BOC: variants seen among roughly 807,000 people sequenced by gnomAD.
The protein encoded by BOC is BOC cell adhesion associated, oncogene regulated, also known as brother of CDO.
BOC carries 76 observed loss-of-function variants against 112.0 expected under a neutral mutation model. The ratio of observed to expected loss-of-function variants is 0.68; its 90% confidence interval spans 0.56 to 0.82. The LOEUF (loss-of-function observed/expected upper bound fraction) is 0.82. Among genes scored for constraint, BOC ranks in the 40% least tolerant of loss-of-function variants. The pLI, the probability that BOC is intolerant of heterozygous loss-of-function variation, is 0.00. For missense variants in BOC, 1,309 were observed against 1,511.7 expected (o/e 0.87, Z 2.22); for synonymous variants, 580 against 599.8 (o/e 0.97, Z 0.48).
intron 2 of BOC, among the ~76,000 whole-genome samples, chr3:113,243,969 T>C (rs565131144): frequency 6.6e-6 from 1 of 152,324 alleles, no homozygotes; most frequent in East Asian, 1.9e-4. Context: ...ATTGCTTCGA[T>C]CTTATAGCTG....
intron 2 of BOC, among the ~76,000 whole-genome samples, chr3:113,217,484 G>A (rs1374383250): frequency 6.6e-6 from 1 of 151,978 alleles, no homozygotes; most frequent in East Asian, 1.9e-4. Flanking sequence ...CTGAGATGGT[G>A]CCACTGCACT....
At chr3:113,221,332 G>C (rs1352282247) in intron 2 of BOC, among the ~76,000 whole-genome samples, 1 of 152,204 alleles carries the variant, frequency 6.6e-6, no homozygotes, top group African/African-American at 2.4e-5. Context: ...GTCCTCACTG[G>C]CTCAGGGTTT....
Position 113,283,401 on chromosome 3 carries a change from A to G in BOC, c.2435-10A>G. 1 of 1,581,030 alleles carries G rather than the reference A, an allele frequency of 6.3e-7. No individual in the cohort carries two copies. Among genetic ancestry groups the G allele is most frequent in the Non-Finnish European group, 8.6e-7 (1 of 1,159,206 alleles). ...ACATATGCTGAAGTGAGTTTTGTCC[A>G]CAATTACAGCTCGGAAGTCTTCTGG... On this transcript the variant is annotated splice_polypyrimidine_tract_variant and intron_variant, in intron 15 of 19. Coordinates refer to ENST00000682979, the MANE Select transcript of BOC (RefSeq NM_001378074.1).
At chr3:113,234,154 G>A (rs1164905410) in intron 2 of BOC, among the ~76,000 whole-genome samples, 1 of 152,208 alleles carries the variant, frequency 6.6e-6, no homozygotes, top group African/African-American at 2.4e-5. Context: ...AGATGATAAA[G>A]CTGAAGCTTA....
At chr3:113,281,281 C>G (rs1305269589) in intron 15 of BOC, 128 bp downstream of exon 15, 7 of 1,140,034 alleles carry the variant, frequency 6.1e-6, no homozygotes, top group Non-Finnish European at 7.3e-6. Context: ...CAAATACCCT[C>G]AGACTTGGTC....
chr3:113,254,701 C>T (rs1946042204), intron 4 of BOC, among the ~76,000 whole-genome samples: 1 of 152,204 alleles, frequency 6.6e-6, no homozygotes, highest in African/African-American at 2.4e-5. Context: ...TCCACGCTGT[C>T]CCATGTTCAT....
chr3:113,248,928 G>A (rs549435989), intron 2 of BOC, among the ~76,000 whole-genome samples: 3 of 151,378 alleles, frequency 2.0e-5, no homozygotes, highest in South Asian at 2.1e-4. Flanking sequence ...TTGTAGAGAC[G>A]GAAAAGTTCA....
At chr3:113,283,134 C>A (rs1309336819) in intron 15 of BOC, among the ~76,000 whole-genome samples, 1 of 152,184 alleles carries the variant, frequency 6.6e-6, no homozygotes, top group Non-Finnish European at 1.5e-5. Flanking sequence ...ACCGCTTCTG[C>A]CGGAAGGACC....
chr3:113,279,232 G>A lies in BOC; in HGVS notation c.1817-17G>A. 1 of 1,610,382 alleles carries A rather than the reference G, an allele frequency of 6.2e-7. No homozygotes were observed. ...TCTCACCCTGCTTCCTTCCTCACTG[G>A]ATACGGTCTTTCCCAGCCCCAGAAG... On this transcript the variant is annotated splice_polypyrimidine_tract_variant and intron_variant, in intron 11 of 19. Transcript: ENST00000682979.
chr3:113,250,992 C>A, intron 4 of BOC, 159 bp downstream of exon 4: 1 of 914,320 alleles, frequency 1.1e-6, no homozygotes, highest in Non-Finnish European at 1.6e-6. Flanking sequence ...TAGTAATGCC[C>A]AGTGATGGGG....
Position 113,282,305 on chromosome 3 carries a change from A to G in BOC, c.2435-1106A>G, listed in dbSNP as rs114391390. On this transcript the variant is annotated intron_variant, in intron 15 of 19. Transcript: ENST00000682979. The stretch of plus-strand genomic sequence containing the variant: ...CTGAGGGTTGAGAACTGGGGCTCTA[A>G]AGTAAAGGTAAAGAGAAGGGATGGG... Among the ~76,000 whole-genome samples the G allele has an allele frequency of 5.6e-3, 858 of 152,208 alleles. 6 individuals carry two copies. The highest frequency in any genetic ancestry group is 0.019 in the African/African-American group (802 of 41,510).
At position 113,254,064 on chromosome 3, in the gene BOC, ATTAGCC is replaced by A. The variant is rs972466828; in HGVS notation, c.376+3234_376+3239del. On this transcript the variant is annotated intron_variant, in intron 4 of 19. Coordinates refer to ENST00000682979, the MANE Select transcript of BOC (RefSeq NM_001378074.1). ...GTATCTGTGTGAGGAGAGACAATTTATTAGCCTTCATTTTAAAAATATTCCTGGCTG... is the reference window on the plus strand; with the variant it reads ...GTATCTGTGTGAGGAGAGACAATTTATTCATTTTAAAAATATTCCTGGCTG... Among the ~76,000 whole-genome samples, 34 of 152,330 alleles carry A rather than the reference ATTAGCC, an allele frequency of 2.2e-4. 1 individual carries two copies. Among genetic ancestry groups the A allele is most frequent in the African/African-American group, 7.7e-4 (32 of 41,570 alleles).
intron 17 of BOC, 58 bp downstream of exon 17, chr3:113,284,625 G>T: frequency 6.4e-7 from 1 of 1,563,760 alleles, no homozygotes; most frequent in Non-Finnish European, 8.7e-7. Context: ...GAGTGGCTGG[G>T]CTGCCTTGGG....
At chr3:113,218,630 A>G (rs894780731) in intron 2 of BOC, among the ~76,000 whole-genome samples, 1 of 152,248 alleles carries the variant, frequency 6.6e-6, no homozygotes, top group Non-Finnish European at 1.5e-5. Flanking sequence ...TGTAGTGAAC[A>G]AGTTATATAT....
chr3:113,268,567 G>T lies in BOC; in HGVS notation c.523+122G>T, dbSNP rs559753153. 1.1e-5 allele frequency: 10 copies of T among 905,852 alleles called. No homozygotes were observed. In the East Asian group the frequency reaches 2.6e-4, roughly 24 times the overall value. 56.1% of individuals were successfully genotyped at this position (905,852 alleles called of 1,614,324 possible). A position where few individuals can be genotyped will look rare whatever the true frequency, so the allele number is the denominator to read the frequency against. ...CTGTCTCCCAAACCCCCCTCAACAT[G>T]CCAGCAGCCCTGTCCTCATGCTAGC... On this transcript the variant is annotated intron_variant, in intron 5 of 19. Coordinates refer to ENST00000682979, the MANE Select transcript of BOC (RefSeq NM_001378074.1).
chr3:113,240,126 T>C (rs1439565037), intron 2 of BOC, among the ~76,000 whole-genome samples: 1 of 152,178 alleles, frequency 6.6e-6, no homozygotes, highest in African/African-American at 2.4e-5. Context: ...AAATAGCCAG[T>C]GTACCATTCC....
intron 4 of BOC, among the ~76,000 whole-genome samples, chr3:113,252,900 C>T (rs902637028): frequency 6.6e-6 from 1 of 151,988 alleles, no homozygotes; most frequent in Non-Finnish European, 1.5e-5. Context: ...GCTTGTTGGG[C>T]GGGGGCTGCT....
intron 2 of BOC, among the ~76,000 whole-genome samples, chr3:113,223,327 C>G (rs888693827): frequency 2.0e-5 from 3 of 152,180 alleles, no homozygotes; most frequent in African/African-American, 7.2e-5. Flanking sequence ...GCAAAAAAGT[C>G]CTATACAGAC....
chr3:113,283,053 A>G (rs771475416), intron 15 of BOC, among the ~76,000 whole-genome samples: 3 of 152,136 alleles, frequency 2.0e-5, no homozygotes, highest in Non-Finnish European at 4.4e-5. Context: ...TCCATTCCCA[A>G]TTCTTTTTCT....
Sources: gnomAD v4.1 joint callset for allele counts (sites outside exome capture counted in the v4.1 genomes callset) on GRCh38, gnomAD v4.1.1 for gene constraint, MANE v1.5 for transcripts, NCBI Gene and HGNC (gene_info 2026-07-23, HGNC 2026-07-21) for gene names.